LRP1B: variants seen among roughly 807,000 people sequenced by gnomAD.
LRP1B encodes LDL receptor related protein 1B.
LRP1B carries 217 observed loss-of-function variants against 556.6 expected under a neutral mutation model. The observed-to-expected ratio is 0.39, with a 90% CI of 0.35 to 0.44. The LOEUF (loss-of-function observed/expected upper bound fraction) is 0.44. Among genes scored for constraint, LRP1B ranks in the 20% least tolerant of loss-of-function variants. LRP1B has a pLI of 1.00. For synonymous variants in LRP1B, 2,047 were observed against 1,865.8 expected (o/e 1.10, Z -2.50); for missense variants, 5,053 against 5,620.8 (o/e 0.90, Z 3.23).
At chr2:140,607,908 T>C (rs961278419) in intron 41 of LRP1B, among the ~76,000 whole-genome samples, 1 of 152,026 alleles carries the variant, frequency 6.6e-6, no homozygotes, top group Admixed American at 6.6e-5. Flanking sequence ...GATTTTAATA[T>C]GGATTGCTTA....
intron 6 of LRP1B, among the ~76,000 whole-genome samples, chr2:141,222,384 A>G (rs931560210): frequency 6.6e-6 from 1 of 152,172 alleles, no homozygotes; most frequent in African/African-American, 2.4e-5. Flanking sequence ...TGAGACACTA[A>G]TAAATAGCCT....
intron 41 of LRP1B, among the ~76,000 whole-genome samples, chr2:140,698,354 T>C (rs1052655868): frequency 2.0e-5 from 3 of 152,084 alleles, no homozygotes; most frequent in Non-Finnish European, 4.4e-5. Context: ...ATATTAGAAA[T>C]TTAAACTTAA....
At chr2:140,779,755 AGTGTGT>A (rs70988440) in intron 32 of LRP1B, among the ~76,000 whole-genome samples, 2 of 135,306 alleles carry the variant, frequency 1.5e-5, no homozygotes, top group African/African-American at 2.8e-5. Context: ...TCTGTGAGAG[AGTGTGT>A]GTGTGTGTGT....
chr2:140,448,911 G>A (rs1481853582), intron 63 of LRP1B, among the ~76,000 whole-genome samples: 5 of 152,066 alleles, frequency 3.3e-5, no homozygotes, highest in African/African-American at 1.2e-4. Flanking sequence ...TTAGATATTA[G>A]TATTTAACCA....
intron 1 of LRP1B, among the ~76,000 whole-genome samples, chr2:141,858,942 C>A (rs1458005986): frequency 6.6e-6 from 1 of 152,008 alleles, no homozygotes; most frequent in Non-Finnish European, 1.5e-5. Context: ...AGAGGAAGTC[C>A]AAGTGGAAGA....
rs570595 is a variant in LRP1B at position 140,643,664 on chromosome 2, G to T, written c.6800-42025C>A. Among the ~76,000 whole-genome samples, 1,328 of 152,218 alleles carry T rather than the reference G, an allele frequency of 8.7e-3. 19 individuals carry two copies. Among genetic ancestry groups the T allele is most frequent in the African/African-American group, 0.031 (1,270 of 41,518 alleles). ...AAACAAAATAATTTGCTTGTATTTT[G>T]TGTAAAATGTAGCAGCCTTGGAGTT... On this transcript the variant is annotated intron_variant, in intron 41 of 90. Transcript: ENST00000389484.
chr2:140,411,589 T>A (rs950617376), intron 66 of LRP1B, among the ~76,000 whole-genome samples: 2 of 152,044 alleles, frequency 1.3e-5, no homozygotes, highest in African/African-American at 4.8e-5. Flanking sequence ...CAAGTCACAC[T>A]GCTAGTTAGT....
At chr2:141,255,449 T>C (rs1684424764) in intron 3 of LRP1B, among the ~76,000 whole-genome samples, 1 of 152,094 alleles carries the variant, frequency 6.6e-6, no homozygotes, top group Admixed American at 6.6e-5. Context: ...GCCAAGAGTT[T>C]AGCTGGTGCT....
At chr2:141,405,834 C>T (rs1257894996) in intron 3 of LRP1B, among the ~76,000 whole-genome samples, 1 of 151,990 alleles carries the variant, frequency 6.6e-6, no homozygotes, top group Non-Finnish European at 1.5e-5. Flanking sequence ...CAAATGAATA[C>T]AACATGATAG....
chr2:141,567,254 A>AT (rs112743591), intron 2 of LRP1B, among the ~76,000 whole-genome samples: 4,515 of 151,394 alleles, frequency 0.03, 122 homozygotes, highest in East Asian at 0.13. Flanking sequence ...AATTGCGATC[A>AT]TTTTTTTTTC....
At chr2:141,530,385 T>C (rs1043610078) in intron 2 of LRP1B, among the ~76,000 whole-genome samples, 4 of 152,124 alleles carry the variant, frequency 2.6e-5, no homozygotes, top group Non-Finnish European at 5.9e-5. Flanking sequence ...GGAACTGTTC[T>C]TTTCACCTAC....
intron 3 of LRP1B, among the ~76,000 whole-genome samples, chr2:141,410,846 A>G (rs1022168308): frequency 3.3e-5 from 5 of 152,024 alleles, no homozygotes; most frequent in African/African-American, 7.2e-5. Context: ...TTTACCTCCT[A>G]TATCAGCTTT....
chr2:140,743,172 T>C (rs1414655598), intron 35 of LRP1B, among the ~76,000 whole-genome samples: 1 of 152,188 alleles, frequency 6.6e-6, no homozygotes, highest in East Asian at 1.9e-4. Context: ...TGGAGTGGAC[T>C]AGAATTTCAT....
At position 140,369,393 on chromosome 2, in the gene LRP1B, T is replaced by C. The variant is rs78438111; in HGVS notation, c.11008+1317A>G. The stretch of plus-strand genomic sequence containing the variant: ...GCAATAGAGGTGATTCGCTAGAATA[T>C]GGAAAACAAGGAGTAGCTTAATTGT... On this transcript the variant is annotated intron_variant, in intron 71 of 90. Transcript: ENST00000389484. Among the ~76,000 whole-genome samples the C allele has an allele frequency of 8.4e-3, 1,282 of 151,986 alleles. 12 individuals are homozygous for C. The highest frequency in any genetic ancestry group is 0.014 in the Non-Finnish European group (938 of 67,914).
At chr2:141,565,592 T>C (rs1686303850) in intron 2 of LRP1B, among the ~76,000 whole-genome samples, 3 of 152,224 alleles carry the variant, frequency 2.0e-5, no homozygotes, top group African/African-American at 7.2e-5. Context: ...TCTACCTATG[T>C]AGTTCATTTA....
intron 1 of LRP1B, among the ~76,000 whole-genome samples, chr2:142,120,252 C>G (rs1436766820): frequency 6.6e-6 from 1 of 152,154 alleles, no homozygotes; most frequent in African/African-American, 2.4e-5. Context: ...GCTGGGACTA[C>G]AGGCACATGC....
At chr2:140,936,506 C>T (rs1028749158) in intron 20 of LRP1B, among the ~76,000 whole-genome samples, 2 of 151,904 alleles carry the variant, frequency 1.3e-5, no homozygotes, top group Admixed American at 1.3e-4. Context: ...TTAGGGAGTT[C>T]CTTACCACTA....
At chr2:140,656,953 G>A (rs76612780) in intron 41 of LRP1B, among the ~76,000 whole-genome samples, 9,490 of 152,078 alleles carry the variant, frequency 0.062, 340 homozygotes, top group Admixed American at 0.079. Context: ...ACAAGACAAT[G>A]AATTTCATCA....
chr2:141,059,622 G>A (rs1288234854), intron 8 of LRP1B, among the ~76,000 whole-genome samples: 1 of 151,696 alleles, frequency 6.6e-6, no homozygotes, highest in Non-Finnish European at 1.5e-5. Context: ...GTAAATAAAT[G>A]TCAACATTTC....
Sources: allele counts gnomAD v4.1 joint callset (sites outside exome capture counted in the v4.1 genomes callset), GRCh38; gene constraint gnomAD v4.1.1; transcripts MANE v1.5; gene names NCBI Gene and HGNC (gene_info 2026-07-23, HGNC 2026-07-21).